The following SBF2 variants were observed in gnomAD, a reference collection of about 807,000 sequenced individuals.
SBF2 encodes the protein SET binding factor 2.
SBF2 carries 112 observed loss-of-function variants against 225.2 expected under a neutral mutation model. The observed-to-expected ratio is 0.50, with a 90% CI of 0.43 to 0.58. The LOEUF (loss-of-function observed/expected upper bound fraction) is 0.58, where lower values mean the gene tolerates loss of function less well. Among genes scored for constraint, SBF2 ranks in the 20% least tolerant of loss-of-function variants. The pLI, the probability that SBF2 is intolerant of heterozygous loss-of-function variation, is 0.00. For missense variants in SBF2, 1,996 were observed against 2,206.2 expected (o/e 0.90, Z 1.91); for synonymous variants, 763 against 773.3 (o/e 0.99, Z 0.22).
chr11:10,182,620 C>A (rs558144591), intron 2 of SBF2, among the ~76,000 whole-genome samples: 14 of 152,202 alleles, frequency 9.2e-5, no homozygotes, highest in Non-Finnish European at 1.9e-4. Context: ...GTGGTGCAAT[C>A]TCGGCTCACT....
At chr11:9,980,289 T>TAAAA (rs1170874978) in intron 13 of SBF2, among the ~76,000 whole-genome samples, 3 of 105,860 alleles carry the variant, frequency 2.8e-5, no homozygotes, top group Admixed American at 2.1e-4. Context: ...CTCTTGTAAT[T>TAAAA]AAAAAAAAAA....
At chr11:10,198,816 T>C (rs1285630053) in intron 1 of SBF2, among the ~76,000 whole-genome samples, 3 of 152,240 alleles carry the variant, frequency 2.0e-5, no homozygotes, top group Admixed American at 6.5e-5. Context: ...TTCTTAAACC[T>C]CATGAACCAA....
intron 2 of SBF2, among the ~76,000 whole-genome samples, chr11:10,155,114 G>A (rs937534709): frequency 3.9e-5 from 6 of 152,098 alleles, no homozygotes; most frequent in Non-Finnish European, 8.8e-5. Context: ...TAAACCATTT[G>A]CAATGAGCTA....
At chr11:10,061,495 C>A (rs767223756) in intron 2 of SBF2, among the ~76,000 whole-genome samples, 7 of 152,256 alleles carry the variant, frequency 4.6e-5, no homozygotes, top group Admixed American at 4.6e-4. Context: ...AGCAAAGTTG[C>A]AGGATACAAA....
intron 17 of SBF2, among the ~76,000 whole-genome samples, chr11:9,859,240 T>C (rs988070334): frequency 6.6e-6 from 1 of 152,242 alleles, no homozygotes; most frequent in Non-Finnish European, 1.5e-5. Context: ...TCAAAATAAA[T>C]GAAATGCCAA....
At chr11:10,030,695 T>C (rs1038361917) in intron 4 of SBF2, among the ~76,000 whole-genome samples, 1 of 152,190 alleles carries the variant, frequency 6.6e-6, no homozygotes, top group Non-Finnish European at 1.5e-5. Context: ...TTGAACCTGA[T>C]TCCTCACAAG....
At chr11:10,226,862 G>A (rs890937394) in intron 1 of SBF2, among the ~76,000 whole-genome samples, 3 of 152,168 alleles carry the variant, frequency 2.0e-5, no homozygotes, top group African/African-American at 4.8e-5. Context: ...GGATGGCTGG[G>A]TCAAATGGTA....
At chr11:10,168,891 T>A (rs1015699262) in intron 2 of SBF2, among the ~76,000 whole-genome samples, 5 of 152,182 alleles carry the variant, frequency 3.3e-5, no homozygotes, top group Non-Finnish European at 7.4e-5. Context: ...CCACAATAAA[T>A]TAACCAATTG....
intron 22 of SBF2, among the ~76,000 whole-genome samples, chr11:9,849,190 T>A (rs1055072465): frequency 2.0e-5 from 3 of 152,118 alleles, no homozygotes; most frequent in Non-Finnish European, 2.9e-5. Flanking sequence ...TATTTTTTTT[T>A]AAAGATTCCC....
chr11:9,896,815 G>C (rs1041528755), intron 16 of SBF2, among the ~76,000 whole-genome samples: 1 of 151,536 alleles, frequency 6.6e-6, no homozygotes, highest in Admixed American at 6.6e-5. Flanking sequence ...GGGTGGGGCG[G>C]GGAGGATCTT....
At chr11:10,007,237 A>G (rs1948237193) in intron 6 of SBF2, among the ~76,000 whole-genome samples, 1 of 152,144 alleles carries the variant, frequency 6.6e-6, no homozygotes. Flanking sequence ...TATTCAGGAT[A>G]ATAGGAAGAG....
intron 16 of SBF2, among the ~76,000 whole-genome samples, chr11:9,917,980 T>A (rs1300971791): frequency 6.6e-6 from 1 of 151,658 alleles, no homozygotes; most frequent in East Asian, 1.9e-4. Context: ...AACCTTTCCA[T>A]CACATCATAC....
rs1409235455 is a variant in SBF2 at position 9,850,144 on chromosome 11, A to G, written c.2685T>C (p.Pro895=). The G allele has an allele frequency of 1.2e-6, 2 of 1,614,126 alleles. No homozygotes were observed. Among genetic ancestry groups the G allele is most frequent in the South Asian group, 2.2e-5 (2 of 91,084 alleles). The change falls in exon 22 of 40, where the codon CCT becomes CCC. Residue 895 remains proline, a synonymous_variant. Transcript: ENST00000256190. ...CTCCAGTAGCTTCTTCTCTTCCATC[A>G]GGATCCAGCAAGACTCGAAGACCCT... is the stretch of plus-strand genomic sequence containing the variant. ...VCEGLRVLLD[P]DGREEATGGL...
intron 2 of SBF2, among the ~76,000 whole-genome samples, chr11:10,126,737 G>A (rs763242291): frequency 1.3e-5 from 2 of 152,066 alleles, no homozygotes; most frequent in Non-Finnish European, 2.9e-5. Context: ...GTCTATCCAT[G>A]CTTATGGCAG....
intron 1 of SBF2, among the ~76,000 whole-genome samples, chr11:10,251,638 C>T (rs563714888): frequency 6.6e-6 from 1 of 152,298 alleles, no homozygotes; most frequent in Non-Finnish European, 1.5e-5. Context: ...GGATAAGGAG[C>T]ACACTCCAAA....
At chr11:10,013,081 G>A (rs1419931035) in intron 6 of SBF2, among the ~76,000 whole-genome samples, 1 of 152,156 alleles carries the variant, frequency 6.6e-6, no homozygotes, top group African/African-American at 2.4e-5. Context: ...CATGTGCATA[G>A]TTTCCCAGGC....
intron 2 of SBF2, among the ~76,000 whole-genome samples, chr11:10,101,235 AC>A (rs1437913001): frequency 6.6e-6 from 1 of 152,102 alleles, no homozygotes; most frequent in African/African-American, 2.4e-5. Flanking sequence ...CCAATGAATT[AC>A]CATTCGGAGG....
intron 2 of SBF2, among the ~76,000 whole-genome samples, chr11:10,046,871 T>A (rs1375919305): frequency 2.8e-4 from 31 of 109,666 alleles, no homozygotes; most frequent in South Asian, 2.7e-4. Context: ...ACAGATAATC[T>A]GAAAGGACAA....
Position 9,907,664 on chromosome 11 carries a change from A to T in SBF2, c.1861-11653T>A, listed in dbSNP as rs543212975. On this transcript the variant is annotated intron_variant, in intron 16 of 39. Coordinates refer to ENST00000256190, the MANE Select transcript of SBF2 (RefSeq NM_030962.4). ...AAGGTGAATGCTAGGCTTGACAAATAATATCAAGCTTTATTTTAAGTTATT... is the reference window on the plus strand; with the variant it reads ...AAGGTGAATGCTAGGCTTGACAAATTATATCAAGCTTTATTTTAAGTTATT... 2.6e-5 allele frequency among the ~76,000 whole-genome samples: 4 copies of T among 152,328 alleles called. No individual in the cohort carries two copies. In the South Asian group the frequency reaches 6.2e-4, roughly 24 times the overall value.
Sources: allele counts gnomAD v4.1 joint callset (sites outside exome capture counted in the v4.1 genomes callset), GRCh38; gene constraint gnomAD v4.1.1; transcripts MANE v1.5; gene names NCBI Gene and HGNC (gene_info 2026-07-23, HGNC 2026-07-21).